Variants in TECPR2 observed in about 807,000 individuals in gnomAD.
TECPR2 encodes the protein tectonin beta-propeller repeat containing 2.
Under a neutral mutation model 138.1 loss-of-function variants are expected in TECPR2, and 65 were observed. That is an observed-to-expected ratio of 0.47 (90% CI 0.39 to 0.58). TECPR2 has a LOEUF of 0.58. Among genes scored for constraint, TECPR2 ranks in the 20% least tolerant of loss-of-function variants. The pLI is 0.00. For missense variants in TECPR2, 1,553 were observed against 1,824.5 expected (o/e 0.85, Z 2.71); for synonymous variants, 746 against 749.8 (o/e 0.99, Z 0.08).
At chr14:102,491,622 T>C (rs1891162661) in intron 17 of TECPR2, among the ~76,000 whole-genome samples, 2 of 151,964 alleles carry the variant, frequency 1.3e-5, no homozygotes, top group South Asian at 4.1e-4. Context: ...CACTCTGGCC[T>C]CACCACTGGG....
At chr14:102,453,321 C>CA (rs998018609) in intron 16 of TECPR2, among the ~76,000 whole-genome samples, 11 of 150,454 alleles carry the variant, frequency 7.3e-5, no homozygotes, top group Non-Finnish European at 1.0e-4. Context: ...ACTAAAAATA[C>CA]AAAAAAAAAT....
chr14:102,402,992 A>G (rs540088131), intron 2 of TECPR2, among the ~76,000 whole-genome samples: 7 of 152,154 alleles, frequency 4.6e-5, no homozygotes, highest in Non-Finnish European at 7.4e-5. Context: ...TTCTTCTCAA[A>G]TTTTTCCAAA....
chr14:102,390,291 C>G (rs1295624553), intron 2 of TECPR2, among the ~76,000 whole-genome samples: 7 of 152,028 alleles, frequency 4.6e-5, no homozygotes, highest in Admixed American at 3.9e-4. Flanking sequence ...TGACACCTTT[C>G]AAATCAAAAG....
intron 17 of TECPR2, among the ~76,000 whole-genome samples, chr14:102,486,639 A>G (rs1891032621): frequency 6.6e-6 from 1 of 152,190 alleles, no homozygotes; most frequent in Non-Finnish European, 1.5e-5. Context: ...CGGGCCAGTG[A>G]GGACAGAGAG....
Position 102,440,517 on chromosome 14 carries a change from G to A in TECPR2, c.2660G>A (p.Trp887Ter). 6.2e-7 allele frequency: 1 copy of A among 1,614,206 alleles called. No homozygotes were observed. The highest frequency in any genetic ancestry group is 8.5e-7 in the Non-Finnish European group (1 of 1,180,040). Reference protein sequence around the residue: ...GKVTIKGKRHWYEALPQAVFV... With the variant: ...GKVTIKGKRH ...GTCACCATCAAGGGGAAGCGGCACTGGTACGAAGCCCTGCCCCAGGCAGTG... is the reference window on the plus strand; with the variant it reads ...GTCACCATCAAGGGGAAGCGGCACTAGTACGAAGCCCTGCCCCAGGCAGTG... The change falls in exon 11 of 20, where the codon TGG becomes TAG. Residue 887 changes from tryptophan (W) to a stop codon, truncating the protein, a stop_gained. Coordinates refer to ENST00000359520, the MANE Select transcript of TECPR2 (RefSeq NM_014844.5). LOFTEE classifies it high-confidence loss of function.
Position 102,407,538 on chromosome 14 carries a change from C to T in TECPR2, c.348+72C>T, listed in dbSNP as rs1350362156. Reference sequence around the variant, plus strand: ...TCATGGATTTTTAAAATTAGAAATCCTCATCTGCTTAGAAAGTTTATGCTC... The same window carrying T: ...TCATGGATTTTTAAAATTAGAAATCTTCATCTGCTTAGAAAGTTTATGCTC... On this transcript the variant is annotated intron_variant, in intron 3 of 19. Coordinates refer to ENST00000359520, the MANE Select transcript of TECPR2 (RefSeq NM_014844.5). 7 of 1,514,020 alleles carry T rather than the reference C, an allele frequency of 4.6e-6. No individual in the cohort carries two copies. The Admixed American group carries it at 8.3e-5, about 18-fold the overall frequency. The allele number at this position is 1,514,020 out of a possible 1,614,324, so 93.8% of individuals were successfully genotyped here. A position where few individuals can be genotyped will look rare whatever the true frequency, so the allele number is the denominator to read the frequency against.
intron 16 of TECPR2, among the ~76,000 whole-genome samples, chr14:102,464,432 G>T (rs1012005815): frequency 6.6e-6 from 1 of 151,406 alleles, no homozygotes; most frequent in Admixed American, 6.6e-5. Flanking sequence ...TCGCTCTGTT[G>T]CCCAGGCTGG....
chr14:102,391,034 A>C (rs1888156668), intron 2 of TECPR2, among the ~76,000 whole-genome samples: 1 of 152,108 alleles, frequency 6.6e-6, no homozygotes, highest in African/African-American at 2.4e-5. Context: ...ACCATTGTGA[A>C]TCTGCATGTT....
intron 4 of TECPR2, among the ~76,000 whole-genome samples, chr14:102,409,218 G>A (rs1388596330): frequency 6.6e-6 from 1 of 152,108 alleles, no homozygotes; most frequent in African/African-American, 2.4e-5. Context: ...TCATGTGTCT[G>A]CAACCAAACT....
At chr14:102,446,654 G>T (rs1889987420) in intron 13 of TECPR2, among the ~76,000 whole-genome samples, 1 of 152,032 alleles carries the variant, frequency 6.6e-6, no homozygotes, top group Admixed American at 6.6e-5. Context: ...GCCTCCCAAA[G>T]TGCTGGGATT....
chr14:102,489,346 C>A (rs568093064), intron 17 of TECPR2, among the ~76,000 whole-genome samples: 1 of 151,712 alleles, frequency 6.6e-6, no homozygotes, highest in Admixed American at 6.6e-5. Context: ...TGGCTGGGCG[C>A]GGTGGCTCAC....
At position 102,362,944 on chromosome 14, in the gene TECPR2, T is replaced by G; in HGVS notation, c.-245T>G. ...CACGTCCGCCCCGCCCGCTGCCACTTGTGGCTCTGCCGCTCTAGCCCCCGG... is the reference window on the plus strand; with the variant it reads ...CACGTCCGCCCCGCCCGCTGCCACTGGTGGCTCTGCCGCTCTAGCCCCCGG... On this transcript the variant is annotated 5_prime_UTR_variant, in exon 1 of 20. Coordinates refer to ENST00000359520, the MANE Select transcript of TECPR2 (RefSeq NM_014844.5). The G allele has an allele frequency of 6.6e-7, 1 of 1,516,430 alleles. No individual in the cohort carries two copies. The highest frequency in any genetic ancestry group is 9.0e-7 in the Non-Finnish European group (1 of 1,106,848). 93.9% of individuals were successfully genotyped at this position (1,516,430 alleles called of 1,614,324 possible).
intron 5 of TECPR2, among the ~76,000 whole-genome samples, chr14:102,417,221 A>G (rs774702505): frequency 6.6e-6 from 1 of 152,380 alleles, no homozygotes; most frequent in African/African-American, 2.4e-5. Flanking sequence ...GAGGGCTAAC[A>G]GAATAAGAGG....
At chr14:102,432,236 A>G (rs1403706636) in intron 8 of TECPR2, 108 bp downstream of exon 8, 1 of 1,156,264 alleles carries the variant, frequency 8.6e-7, no homozygotes, top group African/African-American at 1.6e-5. Context: ...CCAAAAGCAG[A>G]GAACACATAC....
At chr14:102,486,074 T>C (rs1335555026) in intron 17 of TECPR2, among the ~76,000 whole-genome samples, 1 of 152,124 alleles carries the variant, frequency 6.6e-6, no homozygotes. Flanking sequence ...GCGCACCCCC[T>C]ACAATTAGCA....
rs1236937788 is a variant in TECPR2, at chr14:102,377,001, T to G, written c.219+61T>G. ...GAGCCATAGCTGACGCTTAACATGC[T>G]TGTGTTCTAGGATGAGATAATTTAC... On this transcript the variant is annotated intron_variant, in intron 2 of 19. Coordinates refer to ENST00000359520, the MANE Select transcript of TECPR2 (RefSeq NM_014844.5). The G allele has an allele frequency of 2.0e-6, 3 of 1,530,706 alleles. No homozygotes were observed. The East Asian group carries it at 7.0e-5, about 36-fold the overall frequency. 94.8% of individuals were successfully genotyped at this position (1,530,706 alleles called of 1,614,324 possible).
intron 2 of TECPR2, among the ~76,000 whole-genome samples, chr14:102,403,907 T>C (rs538675110): frequency 1.3e-5 from 2 of 152,282 alleles, no homozygotes; most frequent in African/African-American, 4.8e-5. Context: ...ATTGTGTGTT[T>C]GGTTTTTGGA....
chr14:102,489,852 C>T (rs1415555386), intron 17 of TECPR2, among the ~76,000 whole-genome samples: 2 of 152,062 alleles, frequency 1.3e-5, no homozygotes, highest in African/African-American at 2.4e-5. Flanking sequence ...GACAGCTAGC[C>T]GCTCTTGCAC....
chr14:102,378,656 C>T (rs766038863), intron 2 of TECPR2, among the ~76,000 whole-genome samples: 6 of 152,232 alleles, frequency 3.9e-5, no homozygotes, highest in Admixed American at 6.5e-5. Context: ...CGGAGTTTCA[C>T]TCTTGTCGCC....
Sources: gnomAD v4.1 joint callset for allele counts (sites outside exome capture counted in the v4.1 genomes callset) on GRCh38, gnomAD v4.1.1 for gene constraint, MANE v1.5 for transcripts, NCBI Gene and HGNC (gene_info 2026-07-23, HGNC 2026-07-21) for gene names.